DLGAP2: variants seen among roughly 807,000 people sequenced by gnomAD.
DLGAP2 encodes the protein DLG associated protein 2.
A neutral mutation model predicts 100.3 loss-of-function variants in DLGAP2; 26 were observed. The observed-to-expected ratio is 0.26, with a 90% CI of 0.19 to 0.36. The LOEUF (loss-of-function observed/expected upper bound fraction) is 0.36. Ranked by LOEUF, DLGAP2 falls within the 10% of genes least tolerant of loss-of-function variation. The probability of loss-of-function intolerance (pLI) is 1.00; values close to 1 mark genes in which losing one functional copy is unlikely to be tolerated. For missense variants in DLGAP2, 1,858 were observed against 1,453.2 expected (o/e 1.28, Z -4.53); for synonymous variants, 886 against 630.1 (o/e 1.41, Z -6.08).
intron 1 of DLGAP2, among the ~76,000 whole-genome samples, chr8:855,713 G>A (rs1797264457): frequency 6.6e-6 from 1 of 152,170 alleles, no homozygotes; most frequent in Non-Finnish European, 1.5e-5. Flanking sequence ...AAAACAGGTT[G>A]AAGCTTTACC....
intron 2 of DLGAP2, among the ~76,000 whole-genome samples, chr8:1,139,219 C>T (rs901727823): frequency 6.6e-6 from 1 of 152,196 alleles, no homozygotes; most frequent in Admixed American, 6.5e-5. Flanking sequence ...GGGGAGCTCC[C>T]AGCCACCAAT....
At chr8:1,646,653 G>A (rs987737027) in intron 8 of DLGAP2, among the ~76,000 whole-genome samples, 1 of 152,166 alleles carries the variant, frequency 6.6e-6, no homozygotes, top group Non-Finnish European at 1.5e-5. Context: ...AGCTGTGTTG[G>A]GGGAATGTTC....
chr8:1,148,519 T>C (rs1270150779), intron 2 of DLGAP2, among the ~76,000 whole-genome samples: 1 of 151,962 alleles, frequency 6.6e-6, no homozygotes, highest in Non-Finnish European at 1.5e-5. Context: ...TAATTTCTTG[T>C]GATTGATGTT....
At chr8:820,273 A>T (rs542903737) in intron 1 of DLGAP2, among the ~76,000 whole-genome samples, 29 of 152,392 alleles carry the variant, frequency 1.9e-4, no homozygotes, top group Middle Eastern at 6.8e-3. Flanking sequence ...TTAGTACAAT[A>T]TGTTTTTTAA....
intron 3 of DLGAP2, among the ~76,000 whole-genome samples, chr8:1,490,149 C>G (rs972120288): frequency 3.9e-5 from 6 of 152,206 alleles, no homozygotes; most frequent in African/African-American, 1.2e-4. Flanking sequence ...CTCAGCCTCC[C>G]AAAGTGCTGA....
intron 2 of DLGAP2, among the ~76,000 whole-genome samples, chr8:1,076,033 C>G (rs1803596968): frequency 1.3e-5 from 2 of 152,152 alleles, no homozygotes; most frequent in Non-Finnish European, 2.9e-5. Flanking sequence ...AGGTGTGTCT[C>G]TCAAAGAGAA....
intron 2 of DLGAP2, among the ~76,000 whole-genome samples, chr8:1,097,267 C>T (rs1278101406): frequency 7.5e-6 from 1 of 133,866 alleles, no homozygotes; most frequent in Non-Finnish European, 1.6e-5. Context: ...GACCCAGCTC[C>T]CTCTGCTCAG....
At chr8:1,042,007 G>T (rs945908062) in intron 2 of DLGAP2, among the ~76,000 whole-genome samples, 2 of 152,198 alleles carry the variant, frequency 1.3e-5, no homozygotes, top group African/African-American at 4.8e-5. Flanking sequence ...AGGTAATTCT[G>T]TGTCCCCTAG....
At chr8:1,415,492 C>T (rs1796857394) in intron 3 of DLGAP2, among the ~76,000 whole-genome samples, 1 of 152,098 alleles carries the variant, frequency 6.6e-6, no homozygotes, top group Non-Finnish European at 1.5e-5. Flanking sequence ...GCCCTGGTGT[C>T]TGCTGTTCGC....
chr8:1,058,900 A>G (rs1802965028), intron 2 of DLGAP2, among the ~76,000 whole-genome samples: 1 of 152,192 alleles, frequency 6.6e-6, no homozygotes, highest in South Asian at 2.1e-4. Context: ...ACCTGTGCCT[A>G]CCTCAAAAGA....
intron 6 of DLGAP2, among the ~76,000 whole-genome samples, chr8:1,583,888 TC>T (rs1796030316): frequency 6.6e-6 from 1 of 152,006 alleles, no homozygotes; most frequent in South Asian, 2.1e-4. Context: ...ACAATTTTCT[TC>T]CTCCTCGCTC....
At chr8:1,313,804 C>A (rs974522607) in intron 3 of DLGAP2, among the ~76,000 whole-genome samples, 1 of 152,044 alleles carries the variant, frequency 6.6e-6, no homozygotes, top group Non-Finnish European at 1.5e-5. Flanking sequence ...AAGCAAGATC[C>A]AAGTTCAGCT....
chr8:1,311,845 G>A (rs547381277), intron 3 of DLGAP2, among the ~76,000 whole-genome samples: 221 of 152,264 alleles, frequency 1.5e-3, no homozygotes, highest in Middle Eastern at 0.01. Context: ...TCTCCAAGAA[G>A]ACACAGCAAT....
At chr8:1,359,627 G>A (rs1801933436) in intron 3 of DLGAP2, among the ~76,000 whole-genome samples, 1 of 152,220 alleles carries the variant, frequency 6.6e-6, no homozygotes, top group Non-Finnish European at 1.5e-5. Context: ...TGCTGTCGGC[G>A]GCTGTCCCTG....
intron 4 of DLGAP2, among the ~76,000 whole-genome samples, chr8:1,542,896 T>C (rs1801409926): frequency 3.3e-5 from 5 of 152,192 alleles, no homozygotes; most frequent in Admixed American, 3.3e-4. Flanking sequence ...TCCTTTTCCC[T>C]CTGTCCACTC....
intron 2 of DLGAP2, among the ~76,000 whole-genome samples, chr8:1,090,432 C>A (rs1804140096): frequency 1.3e-5 from 2 of 152,382 alleles, no homozygotes; most frequent in South Asian, 2.1e-4. Flanking sequence ...CCAGGCAGGG[C>A]AGGCTCTTGG....
At chr8:1,450,442 C>A (rs4288403) in intron 3 of DLGAP2, among the ~76,000 whole-genome samples, 1 of 43,044 alleles carries the variant, frequency 2.3e-5, no homozygotes, top group Non-Finnish European at 5.2e-5. Context: ...ACGAGGTGGG[C>A]GGCCTCGGTG....
intron 2 of DLGAP2, among the ~76,000 whole-genome samples, chr8:1,102,634 C>G (rs1321842943): frequency 6.6e-6 from 1 of 152,214 alleles, no homozygotes; most frequent in Non-Finnish European, 1.5e-5. Context: ...TATCTCCCCA[C>G]TGGGCCTGTC....
rs1307987862 is a variant in DLGAP2, at chr8:1,646,007, T to C, written c.1810+12961T>C. The stretch of plus-strand genomic sequence containing the variant: ...CCGAATAATGCCGCACAGTTCTCTG[T>C]ATGATAGTGTGATGGTGGAGTTCAT... On this transcript the variant is annotated intron_variant, in intron 8 of 14. Coordinates refer to ENST00000637795, the MANE Select transcript of DLGAP2 (RefSeq NM_001346810.2). Among the ~76,000 whole-genome samples the C allele has an allele frequency of 2.0e-5, 3 of 152,176 alleles. No homozygotes were observed. In the South Asian group the frequency reaches 6.2e-4, roughly 32 times the overall value.
Sources: gnomAD v4.1 joint callset for allele counts (sites outside exome capture counted in the v4.1 genomes callset) on GRCh38, gnomAD v4.1.1 for gene constraint, MANE v1.5 for transcripts, NCBI Gene and HGNC (gene_info 2026-07-23, HGNC 2026-07-21) for gene names.